Variants in SGF29 observed in about 807,000 individuals in gnomAD.
SGF29 encodes the protein SAGA complex associated factor 29.
Under a neutral mutation model 38.1 loss-of-function variants are expected in SGF29, and 15 were observed. The observed-to-expected ratio is 0.39, with a 90% confidence interval of 0.26 to 0.61. The LOEUF is 0.61. SGF29 is among the 20% of genes least tolerant of loss of function. The pLI, the probability that SGF29 is intolerant of heterozygous loss-of-function variation, is 0.49. For synonymous variants in SGF29, 151 were observed against 160.8 expected (o/e 0.94, Z 0.46); for missense variants, 184 against 394.6 (o/e 0.47, Z 4.52).
chr16:28,581,697 G>A (rs1470602332), intron 2 of SGF29, among the ~76,000 whole-genome samples: 1 of 151,946 alleles, frequency 6.6e-6, no homozygotes, highest in African/African-American at 2.4e-5. Flanking sequence ...CACCATGTCC[G>A]GCTAATTGTT....
chr16:28,575,086 G>T (rs946377940), intron 1 of SGF29, among the ~76,000 whole-genome samples: 1 of 152,040 alleles, frequency 6.6e-6, no homozygotes, highest in African/African-American at 2.4e-5. Context: ...TACTTCAGTT[G>T]TCCAGTGCAT....
intron 1 of SGF29, among the ~76,000 whole-genome samples, chr16:28,572,468 C>G (rs749961372): frequency 5.9e-5 from 9 of 151,680 alleles, no homozygotes; most frequent in Non-Finnish European, 1.3e-4. Flanking sequence ...AGGGTTTCAC[C>G]ATGTTGGCCA....
rs527654342 is a variant in SGF29, at chr16:28,588,314, C to T, written c.225-786C>T. Among the ~76,000 whole-genome samples the T allele has an allele frequency of 2.9e-4, 44 of 152,280 alleles. No individual in the cohort carries two copies. The South Asian group carries it at 3.1e-3, about 11-fold the overall frequency. On this transcript the variant is annotated intron_variant, in intron 4 of 9. Coordinates refer to ENST00000317058, the MANE Select transcript of SGF29 (RefSeq NM_138414.3). ...TTTCAGAAAGGATGAGGTCCTTCCA[C>T]CCAGTTCTGCTCTGGGCCAGCACCT... is the stretch of plus-strand genomic sequence containing the variant.
chr16:28,562,986 T>A (rs1265910652), intron 1 of SGF29, among the ~76,000 whole-genome samples: 1 of 148,806 alleles, frequency 6.7e-6, no homozygotes, highest in African/African-American at 2.5e-5. Flanking sequence ...CTTCCACACA[T>A]AGAAAGCAGT....
At chr16:28,566,379 G>A (rs1461337172) in intron 1 of SGF29, among the ~76,000 whole-genome samples, 1 of 152,148 alleles carries the variant, frequency 6.6e-6, no homozygotes, top group East Asian at 1.9e-4. Flanking sequence ...AGTGGAGGAG[G>A]TGACTTGGTG....
chr16:28,587,744 G>A (rs2046963151), intron 4 of SGF29, among the ~76,000 whole-genome samples: 1 of 152,212 alleles, frequency 6.6e-6, no homozygotes, highest in Non-Finnish European at 1.5e-5. Flanking sequence ...GGTTTGCCAT[G>A]GTATCAGAGG....
rs766477106 is a variant in SGF29 at position 28,584,926 on chromosome 16, G to A, written c.89G>A (p.Arg30Gln). ...LIKQTQEERS[R>Q]SEHNLVNIQK... ...TTTTCCTTACAGGAAGAGCGTTCGC[G>A]GAGCGAACACAACTTAGTGAACATC... The change falls in exon 3 of 10, where the codon CGG becomes CAG. Residue 30 changes from arginine to glutamine, a missense_variant. Arg to Gln is a conservative substitution (Grantham distance 43, BLOSUM62 1). Transcript: ENST00000317058. 3.4e-5 allele frequency: 55 copies of A among 1,613,120 alleles called. No homozygotes were observed. Among genetic ancestry groups the A allele is most frequent in the Admixed American group, 6.7e-5 (4 of 59,986 alleles).
At chr16:28,557,690 C>G (rs762704836) in intron 1 of SGF29, among the ~76,000 whole-genome samples, 2 of 152,148 alleles carry the variant, frequency 1.3e-5, no homozygotes, top group Non-Finnish European at 2.9e-5. Flanking sequence ...GACACTCTGT[C>G]TGGGTGGATA....
At chr16:28,582,379 T>TG (rs398119326) in intron 2 of SGF29, among the ~76,000 whole-genome samples, 47,368 of 151,954 alleles carry the variant, frequency 0.31, 8,191 homozygotes, top group Non-Finnish European at 0.37. Context: ...GGTACCATGA[T>TG]GGGGGGCACG....
Position 28,570,533 on chromosome 16 carries a change from AT to A in SGF29, c.-15-10515del, listed in dbSNP as rs1004684367. ...TCACCCATACCTGATTGATTGATTG[AT>A]TTTTTTAAATTTTATTTATTTATTT... On this transcript the variant is annotated intron_variant, in intron 1 of 9. Transcript: ENST00000317058. 2.7e-5 allele frequency among the ~76,000 whole-genome samples: 4 copies of A among 149,842 alleles called. No individual in the cohort carries two copies. The South Asian group carries it at 6.4e-4, about 24-fold the overall frequency.
At chr16:28,566,130 C>T (rs1326018266) in intron 1 of SGF29, among the ~76,000 whole-genome samples, 3 of 151,716 alleles carry the variant, frequency 2.0e-5, no homozygotes, top group Non-Finnish European at 1.5e-5. Flanking sequence ...AAAAATTAGC[C>T]AGGCGTGGTG....
At chr16:28,566,616 C>T (rs1054914777) in intron 1 of SGF29, among the ~76,000 whole-genome samples, 1 of 151,854 alleles carries the variant, frequency 6.6e-6, no homozygotes, top group Non-Finnish European at 1.5e-5. Context: ...ATGGTGAAAC[C>T]TCATCTCTAC....
chr16:28,580,466 T>A (rs1249553512), intron 1 of SGF29, among the ~76,000 whole-genome samples: 1 of 152,146 alleles, frequency 6.6e-6, no homozygotes. Context: ...CCCGGCTGGA[T>A]GGGTGGCTGC....
Position 28,564,654 on chromosome 16 carries a change from CGT to C in SGF29, c.-16+10558_-16+10559del, listed in dbSNP as rs1491270723. On this transcript the variant is annotated intron_variant, in intron 1 of 9. Transcript: ENST00000317058. ...ATATACGTATATATGTGTATATATA[CGT>C]ATATATATGCATATATATGTATATA... 2.1e-4 allele frequency among the ~76,000 whole-genome samples: 12 copies of C among 57,738 alleles called. 1 individual carries two copies. Among genetic ancestry groups the C allele is most frequent in the Non-Finnish European group, 3.1e-4 (8 of 25,600 alleles). The allele number at this position is 57,738 out of a possible 152,430, so 37.9% of individuals were successfully genotyped here. A position where few individuals can be genotyped will look rare whatever the true frequency, so the allele number is the denominator to read the frequency against.
At chr16:28,585,176 A>G in intron 3 of SGF29, 188 bp downstream of exon 3, 1 of 566,456 alleles carries the variant, frequency 1.8e-6, no homozygotes, top group Non-Finnish European at 3.1e-6. Flanking sequence ...CTCTACTCTG[A>G]GGATTCGAAA....
At chr16:28,561,172 G>A (rs374370762) in intron 1 of SGF29, among the ~76,000 whole-genome samples, 69 of 152,132 alleles carry the variant, frequency 4.5e-4, no homozygotes, top group East Asian at 3.7e-3. Context: ...CGGGAGGATC[G>A]CCTGAGCCCA....
intron 4 of SGF29, among the ~76,000 whole-genome samples, chr16:28,587,818 G>T (rs80213716): frequency 6.6e-6 from 1 of 151,904 alleles, no homozygotes; most frequent in African/African-American, 2.4e-5. Context: ...TATTTTTTTT[G>T]AAATGGAGTT....
chr16:28,581,007 C>T, intron 1 of SGF29, 48 bp from the exon 2 acceptor site: 1 of 1,391,396 alleles, frequency 7.2e-7, no homozygotes, highest in South Asian at 1.2e-5. Flanking sequence ...CAGTTCAGCC[C>T]ACAGCAGCCA....
chr16:28,588,057 C>CCTA (rs1379763450), intron 4 of SGF29, among the ~76,000 whole-genome samples: 6 of 152,266 alleles, frequency 3.9e-5, no homozygotes, highest in Non-Finnish European at 8.8e-5. Flanking sequence ...GCCTCAGCCT[C>CCTA]CTAAAGTGCT....
Sources: gnomAD v4.1 joint callset for allele counts (sites outside exome capture counted in the v4.1 genomes callset) on GRCh38, gnomAD v4.1.1 for gene constraint, MANE v1.5 for transcripts, NCBI Gene and HGNC (gene_info 2026-07-23, HGNC 2026-07-21) for gene names.